DNAH11: variants seen among roughly 807,000 people sequenced by gnomAD.
The protein encoded by DNAH11 is dynein axonemal heavy chain 11.
Under a neutral mutation model 526.0 loss-of-function variants are expected in DNAH11, and 442 were observed. The observed-to-expected ratio is 0.84, with a 90% CI of 0.78 to 0.91. The LOEUF is 0.91. DNAH11 is among the 40% of genes least tolerant of loss of function. DNAH11 has a pLI of 0.00. For synonymous variants in DNAH11, 2,461 were observed against 1,935.9 expected (o/e 1.27, Z -7.12); for missense variants, 6,989 against 5,448.7 (o/e 1.28, Z -8.90).
At chr7:21,727,169 G>A (rs1023362417) in intron 45 of DNAH11, among the ~76,000 whole-genome samples, 3 of 151,744 alleles carry the variant, frequency 2.0e-5, no homozygotes, top group Non-Finnish European at 4.4e-5. Flanking sequence ...TCCTGACCTC[G>A]TGATCCGCCC....
chr7:21,765,560 A>G lies in DNAH11; in HGVS notation c.9073A>G (p.Arg3025Gly), dbSNP rs1787139208. 3 of 1,562,750 alleles carry G rather than the reference A, an allele frequency of 1.9e-6. No homozygotes were observed. Among genetic ancestry groups the G allele is most frequent in the Non-Finnish European group, 2.6e-6 (3 of 1,143,246 alleles). The change falls in exon 55 of 82, where the codon AGG (arginine) becomes GGG (glycine). Residue 3025 changes from arginine to glycine, a missense_variant. Coordinates refer to ENST00000409508, the MANE Select transcript of DNAH11 (RefSeq NM_001277115.2). Reference sequence around the variant, plus strand: ...GGAGGCTCTGGTCTCCGTCAGCAGGAGGTTCATTGAGGAAACCAAGGGAAT... The same window carrying G: ...GGAGGCTCTGGTCTCCGTCAGCAGGGGGTTCATTGAGGAAACCAAGGGAAT... ...PQEALVSVSR[R>G]FIEETKGIEP... is the part of the protein sequence containing the mutation.
At chr7:21,743,043 C>G (rs1785982968) in intron 49 of DNAH11, among the ~76,000 whole-genome samples, 1 of 152,182 alleles carries the variant, frequency 6.6e-6, no homozygotes, top group African/African-American at 2.4e-5. Flanking sequence ...TTCATTAGAT[C>G]ACGTTGCCCT....
chr7:21,840,760 A>G (rs1201163842), intron 65 of DNAH11, among the ~76,000 whole-genome samples: 2 of 152,246 alleles, frequency 1.3e-5, no homozygotes, highest in Non-Finnish European at 2.9e-5. Flanking sequence ...AGTTTTGAAT[A>G]GAATTAGCCT....
chr7:21,850,393 C>A (rs192529159), intron 66 of DNAH11, among the ~76,000 whole-genome samples: 1 of 150,108 alleles, frequency 6.7e-6, no homozygotes, highest in Non-Finnish European at 1.5e-5. Context: ...AAAAAAAATT[C>A]TTCATTTTTG....
At chr7:21,829,963 A>G (rs535089893) in intron 65 of DNAH11, among the ~76,000 whole-genome samples, 23 of 152,340 alleles carry the variant, frequency 1.5e-4, no homozygotes, top group Non-Finnish European at 2.2e-4. Flanking sequence ...TTGCATAGCT[A>G]TCTTCCAACA....
chr7:21,696,729 AACCATGAGGCCTACAGC>A (rs577127379), intron 35 of DNAH11, among the ~76,000 whole-genome samples: 160 of 152,286 alleles, frequency 1.1e-3, no homozygotes, highest in African/African-American at 3.6e-3. Flanking sequence ...ACCACTCACC[AACCATGAGGCCTACAGC>A]ATGTGCTTGA....
At chr7:21,549,536 C>G (rs1020335993) in intron 2 of DNAH11, among the ~76,000 whole-genome samples, 1 of 151,970 alleles carries the variant, frequency 6.6e-6, no homozygotes. Context: ...ACAAATTGCC[C>G]TAGGGGGGTT....
Position 21,718,018 on chromosome 7 carries a change from G to A in DNAH11, c.7134+93G>A, listed in dbSNP as rs2074760. 800,051 of 1,473,072 alleles carry A rather than the reference G, an allele frequency of 0.54. 219,904 individuals carry two copies. Among genetic ancestry groups the A allele is most frequent in the African/African-American group, 0.72 (50,924 of 70,496 alleles). 91.3% of individuals were successfully genotyped at this position (1,473,072 alleles called of 1,614,324 possible). ...AGAAGATCTTGCCTTGCCCAAGAAA[G>A]TGAGAAGATTTCTGGAATTGTTAGA... On this transcript the variant is annotated intron_variant, in intron 43 of 81. Coordinates refer to ENST00000409508, the MANE Select transcript of DNAH11 (RefSeq NM_001277115.2).
chr7:21,895,931 G>C (rs1003362077), intron 79 of DNAH11, among the ~76,000 whole-genome samples: 2 of 151,964 alleles, frequency 1.3e-5, no homozygotes, highest in African/African-American at 4.8e-5. Context: ...GGGTTTCACC[G>C]TGTTAGCCAG....
chr7:21,815,865 C>T (rs1032719593), intron 63 of DNAH11, among the ~76,000 whole-genome samples: 2 of 152,034 alleles, frequency 1.3e-5, no homozygotes, highest in Non-Finnish European at 2.9e-5. Flanking sequence ...CCTCCCTCCT[C>T]GATTGCCCCT....
At chr7:21,582,714 A>C (rs1784356931) in intron 9 of DNAH11, among the ~76,000 whole-genome samples, 1 of 152,200 alleles carries the variant, frequency 6.6e-6, no homozygotes, top group South Asian at 2.1e-4. Context: ...AAAGAAAAAA[A>C]TCACAAATCA....
intron 31 of DNAH11, among the ~76,000 whole-genome samples, chr7:21,682,756 G>T (rs1232716019): frequency 1.3e-5 from 2 of 151,662 alleles, no homozygotes; most frequent in East Asian, 1.9e-4. Context: ...TTTTTTTCTG[G>T]GTTTTTTTCT....
In DNAH11 at chr7:21,561,056, T is replaced by C; in HGVS notation, c.883-15T>C. ...TTATATTTATTAAAGTTCTTCTTTTTTTCCTTTAACTTAGCTTCAGGCACC... is the reference window on the plus strand; with the variant it reads ...TTATATTTATTAAAGTTCTTCTTTTCTTCCTTTAACTTAGCTTCAGGCACC... On this transcript the variant is annotated splice_polypyrimidine_tract_variant and intron_variant, in intron 4 of 81. Coordinates refer to ENST00000409508, the MANE Select transcript of DNAH11 (RefSeq NM_001277115.2). The C allele has an allele frequency of 6.5e-7, 1 of 1,545,150 alleles. No homozygotes were observed. Among genetic ancestry groups the C allele is most frequent in the Non-Finnish European group, 8.8e-7 (1 of 1,136,738 alleles).
chr7:21,855,123 C>T (rs980048154), intron 68 of DNAH11, among the ~76,000 whole-genome samples: 4 of 149,674 alleles, frequency 2.7e-5, no homozygotes, highest in Admixed American at 6.7e-5. Context: ...GCTCCACCTT[C>T]CGGGTTCACT....
chr7:21,843,847 T>A (rs914987558), intron 66 of DNAH11, among the ~76,000 whole-genome samples: 2 of 152,154 alleles, frequency 1.3e-5, no homozygotes, highest in African/African-American at 4.8e-5. Context: ...AAAAAGAATT[T>A]ATGTGCTAAC....
intron 61 of DNAH11, among the ~76,000 whole-genome samples, chr7:21,792,083 A>G (rs1197532080): frequency 2.0e-5 from 3 of 152,176 alleles, no homozygotes; most frequent in African/African-American, 4.8e-5. Flanking sequence ...GTGTTGAGGT[A>G]TGTGCCTTCC....
chr7:21,555,013 G>GA (rs1783161353), intron 2 of DNAH11, among the ~76,000 whole-genome samples: 2 of 152,186 alleles, frequency 1.3e-5, no homozygotes. Flanking sequence ...GAGACACATG[G>GA]AGGGGGTATG....
At chr7:21,690,410 G>A (rs2128474837) in intron 34 of DNAH11, among the ~76,000 whole-genome samples, 1 of 152,190 alleles carries the variant, frequency 6.6e-6, no homozygotes, top group East Asian at 1.9e-4. Context: ...CTCTGTCTAT[G>A]CAGCATCCCA....
chr7:21,581,873 A>G (rs528173958), intron 8 of DNAH11, 32 bp from the exon 9 acceptor site: 1 of 1,377,218 alleles, frequency 7.3e-7, no homozygotes. Flanking sequence ...GATTATTTCC[A>G]ATATACTAAT....
Sources: gnomAD v4.1 joint callset for allele counts (sites outside exome capture counted in the v4.1 genomes callset) on GRCh38, gnomAD v4.1.1 for gene constraint, MANE v1.5 for transcripts, NCBI Gene and HGNC (gene_info 2026-07-23, HGNC 2026-07-21) for gene names.